The following EXD3 variants were observed in gnomAD, a reference collection of about 807,000 sequenced individuals.
The protein encoded by EXD3 is exonuclease mut-7 homolog.
EXD3 carries 92 observed loss-of-function variants against 98.0 expected under a neutral mutation model. That is an observed-to-expected ratio of 0.94 (90% CI 0.79 to 1.12). The LOEUF is 1.12. Ranked by LOEUF, EXD3 falls within the 50% of genes most tolerant of loss-of-function variation. EXD3 has a pLI of 0.00. For synonymous variants in EXD3, 569 were observed against 526.0 expected, an observed-to-expected ratio of 1.08 and a Z score of -1.12; for missense variants, 1,222 against 1,191.6, an observed-to-expected ratio of 1.03 and a Z score of -0.38.
Position 137,372,939 on chromosome 9 carries a change from A to G in EXD3, c.428T>C (p.Val143Ala). ...CCTGCCCTCGTGGTGGAGGCGGTGG[A>G]CGTGTGCCAGCAGGCAGCTCCTGTC... ...DADRSCLLAH[V>A]HRLHHEGRFR... Residue 143 changes from valine to alanine, a missense_variant, in exon 5 of 22, where the codon GTC (valine) becomes GCC (alanine). Physicochemically the swap from Val to Ala is moderately conservative, Grantham distance 64. Coordinates refer to ENST00000340951, the MANE Select transcript of EXD3 (RefSeq NM_017820.5). The G allele has an allele frequency of 6.2e-7, 1 of 1,601,014 alleles. No homozygotes were observed.
At chr9:137,328,644 A>T (rs958493592) in intron 17 of EXD3, among the ~76,000 whole-genome samples, 1 of 79,014 alleles carries the variant, frequency 1.3e-5, no homozygotes, top group African/African-American at 7.3e-5. Context: ...ACACGGGGCT[A>T]CACGGGACTA....
intron 17 of EXD3, among the ~76,000 whole-genome samples, chr9:137,328,485 A>ACGAATATACACTCAT (rs1336695260): frequency 2.0e-5 from 3 of 151,746 alleles, no homozygotes; most frequent in African/African-American, 4.8e-5. Context: ...AGTAAAAACA[A>ACGAATATACACTCAT]AAGTAAAAAC....
rs781392909 is a variant in EXD3, at chr9:137,306,937, T to C, written c.*13A>G. On this transcript the variant is annotated 3_prime_UTR_variant, in exon 22 of 22. Transcript: ENST00000340951. ...GCAGTCGGGCACTTTCCATGTTTAT[T>C]GTCTGGCTGTCCTCAGAAGGGACTG... 15 of 1,544,836 alleles carry C rather than the reference T, an allele frequency of 9.7e-6. No homozygotes were observed. The Middle Eastern group carries it at 8.9e-4, about 91-fold the overall frequency.
intron 17 of EXD3, among the ~76,000 whole-genome samples, chr9:137,342,461 C>T (rs116945004): frequency 5.3e-5 from 8 of 152,300 alleles, no homozygotes; most frequent in East Asian, 1.9e-4. Context: ...TGCTTAACTT[C>T]TGCATAAGTT....
At position 137,354,894 on chromosome 9, in the gene EXD3, G is replaced by A. The variant is rs1189327521; in HGVS notation, c.758-121C>T. 6 of 967,670 alleles carry A rather than the reference G, an allele frequency of 6.2e-6. No individual in the cohort carries two copies. In the East Asian group the frequency reaches 1.6e-4, roughly 25 times the overall value. 59.9% of individuals were successfully genotyped at this position (967,670 alleles called of 1,614,324 possible). ...TGCCCCTTCACCGTCCTCCACCTCT[G>A]CCCCGGAGCCCACCCCCTCCTCACC... is the stretch of plus-strand genomic sequence containing the variant. On this transcript the variant is annotated intron_variant, in intron 8 of 21. Transcript: ENST00000340951.
intron 2 of EXD3, among the ~76,000 whole-genome samples, chr9:137,394,079 C>A: frequency 6.6e-6 from 1 of 152,196 alleles, no homozygotes; most frequent in East Asian, 1.9e-4. Context: ...GGGCTGACCC[C>A]TCTGGCACTA....
chr9:137,372,361 G>A (rs897095784), intron 5 of EXD3, among the ~76,000 whole-genome samples: 1 of 152,230 alleles, frequency 6.6e-6, no homozygotes, highest in Non-Finnish European at 1.5e-5. Flanking sequence ...CCACTCTGGG[G>A]GTGCTGTGGG....
rs868356591 is a variant in EXD3 at position 137,355,366 on chromosome 9, G to T, written c.758-593C>A. On this transcript the variant is annotated intron_variant, in intron 8 of 21. Transcript: ENST00000340951. ...GACCTTTCAGGGCCCCACCCCCCAC[G>T]CCCAGAGCGCAGCCACGGGGAGCCG... is the stretch of plus-strand genomic sequence containing the variant. Among the ~76,000 whole-genome samples the T allele has an allele frequency of 1.3e-5, 2 of 151,684 alleles. 1 individual carries two copies. Among genetic ancestry groups the T allele is most frequent in the Non-Finnish European group, 2.9e-5 (2 of 67,950 alleles).
In EXD3 at chr9:137,388,271, G is replaced by A. The variant is rs182349086; in HGVS notation, c.56-4894C>T. Reference sequence around the variant, plus strand: ...AGGAACTCTGTGGGGTTGGCCTGAGGGTGTCCAGGCAGAGGCGGCCAGGAC... The same window carrying A: ...AGGAACTCTGTGGGGTTGGCCTGAGAGTGTCCAGGCAGAGGCGGCCAGGAC... On this transcript the variant is annotated intron_variant, in intron 2 of 21. Transcript: ENST00000340951. Among the ~76,000 whole-genome samples the A allele has an allele frequency of 2.6e-5, 4 of 152,232 alleles. No homozygotes were observed. In the South Asian group the frequency reaches 6.2e-4, roughly 24 times the overall value.
intron 1 of EXD3, among the ~76,000 whole-genome samples, chr9:137,411,050 T>C (rs1363440990): frequency 6.6e-6 from 1 of 152,210 alleles, no homozygotes; most frequent in Non-Finnish European, 1.5e-5. Context: ...CCCTGTGCGC[T>C]GAGCAGGTGT....
intron 1 of EXD3, among the ~76,000 whole-genome samples, chr9:137,409,527 G>C (rs1420699040): frequency 2.0e-5 from 3 of 152,110 alleles, no homozygotes; most frequent in African/African-American, 7.2e-5. Context: ...GACCAGCCTG[G>C]GTAACATAGC....
At position 137,366,495 on chromosome 9, in the gene EXD3, G is replaced by C; in HGVS notation, c.654C>G (p.Ala218=). 6.5e-7 allele frequency: 1 copy of C among 1,550,148 alleles called. No homozygotes were observed. Among genetic ancestry groups the C allele is most frequent in the Admixed American group, 2.0e-5 (1 of 51,008 alleles). The change falls in exon 7 of 22, where the codon GCC becomes GCG. Residue 218 remains alanine (A), a splice_region_variant and synonymous_variant. Transcript: ENST00000340951. ...TGCCAGCGCCCCACGGGACTCACCTGGCAACGTCCTTGATGTCAAAGCCGG... is the reference window on the plus strand; with the variant it reads ...TGCCAGCGCCCCACGGGACTCACCTCGCAACGTCCTTGATGTCAAAGCCGG... The part of the protein sequence containing the change: ...CQPGFDIKDV[A]RRYPEVTSLS...
At chr9:137,376,704 C>T (rs1241660098) in intron 3 of EXD3, among the ~76,000 whole-genome samples, 3 of 151,946 alleles carry the variant, frequency 2.0e-5, no homozygotes, top group South Asian at 2.1e-4. Context: ...CCAAGGTGGG[C>T]GGATCAACTG....
chr9:137,330,119 C>G (rs1270842440), intron 17 of EXD3, among the ~76,000 whole-genome samples: 1 of 107,440 alleles, frequency 9.3e-6, no homozygotes, highest in African/African-American at 3.6e-5. Flanking sequence ...TACACAGGAG[C>G]TACACAGGAG....
intron 19 of EXD3, among the ~76,000 whole-genome samples, chr9:137,319,432 G>A (rs1009951485): frequency 4.6e-5 from 7 of 152,210 alleles, no homozygotes; most frequent in African/African-American, 1.7e-4. Context: ...AGTGTGTGGG[G>A]TGGCCGATCA....
intron 1 of EXD3, among the ~76,000 whole-genome samples, chr9:137,410,407 C>G (rs1293544096): frequency 6.6e-6 from 1 of 151,484 alleles, no homozygotes; most frequent in Non-Finnish European, 1.5e-5. Flanking sequence ...ATCACTTGAA[C>G]CCAGGAGGTG....
chr9:137,329,677 C>G (rs1832846314), intron 17 of EXD3, among the ~76,000 whole-genome samples: 1 of 84,294 alleles, frequency 1.2e-5, no homozygotes, highest in Non-Finnish European at 2.4e-5. Context: ...CTACACGGGA[C>G]TACACGGGGT....
Position 137,324,210 on chromosome 9 carries a change from C to A in EXD3, c.1999-67G>T. On this transcript the variant is annotated intron_variant, in intron 17 of 21. Transcript: ENST00000340951. The surrounding 1 kb of genome is among the most constrained non-coding windows in gnomAD (Gnocchi z 4.1). ...GTGCTCCTGGACTGGGCCACCTCTG[C>A]TCGCCACCCCCTAGCTCCCCGGATC... is the stretch of plus-strand genomic sequence containing the variant. The A allele has an allele frequency of 7.3e-7, 1 of 1,364,016 alleles. No individual in the cohort carries two copies. Among genetic ancestry groups the A allele is most frequent in the Non-Finnish European group, 1.0e-6 (1 of 981,632 alleles). The allele number at this position is 1,364,016 out of a possible 1,614,324, so 84.5% of individuals were successfully genotyped here.
At chr9:137,311,155 C>T (rs959074742) in intron 19 of EXD3, among the ~76,000 whole-genome samples, 8 of 152,222 alleles carry the variant, frequency 5.3e-5, no homozygotes, top group African/African-American at 1.2e-4. Context: ...TCTACTAGGA[C>T]GCCAGGCTGG....
Sources: allele counts gnomAD v4.1 joint callset (sites outside exome capture counted in the v4.1 genomes callset), GRCh38; gene constraint gnomAD v4.1.1; non-coding constraint Gnocchi (gnomAD v3.1); transcripts MANE v1.5; gene names NCBI Gene and HGNC (gene_info 2026-07-23, HGNC 2026-07-21).